Variants in RHOQ observed in about 807,000 individuals in gnomAD.
RHOQ encodes ras homolog family member Q.
In RHOQ, 7 loss-of-function variants were observed where a neutral mutation model predicts 25.8. The ratio of observed to expected loss-of-function variants is 0.27; its 90% CI spans 0.15 to 0.51. The LOEUF is 0.51. RHOQ is among the 20% of genes least tolerant of loss of function. RHOQ has a pLI of 0.97. For synonymous variants in RHOQ, 97 were observed against 98.6 expected (o/e 0.98, Z 0.10); for missense variants, 165 against 260.6 (o/e 0.63, Z 2.53).
intron 2 of RHOQ, among the ~76,000 whole-genome samples, chr2:46,574,217 T>C (rs1669030478): frequency 6.6e-6 from 1 of 152,194 alleles, no homozygotes; most frequent in Non-Finnish European, 1.5e-5. Flanking sequence ...AAATTGGAAA[T>C]CTAAATATGG....
Position 46,576,809 on chromosome 2 carries a change from T to TG in RHOQ, c.462+154dup, listed in dbSNP as rs1425956557. 3 of 519,144 alleles carry TG rather than the reference T, an allele frequency of 5.8e-6. No homozygotes were observed. The Admixed American group carries it at 1.1e-4, about 20-fold the overall frequency. 32.2% of individuals were successfully genotyped at this position (519,144 alleles called of 1,614,324 possible). On this transcript the variant is annotated intron_variant, in intron 4 of 4. Coordinates refer to ENST00000238738, the MANE Select transcript of RHOQ (RefSeq NM_012249.4). This position sits in a 1 kb window ranked among gnomAD's most constrained non-coding sequence, Gnocchi z 5.1. ...TTGCATGAACTCAGTGAGGTAGGTC[T>TG]GTTTCCCCTGTTACACAGAAGAGAC...
chr2:46,579,107 G>C (rs1239686329), intron 4 of RHOQ, among the ~76,000 whole-genome samples: 1 of 152,146 alleles, frequency 6.6e-6, no homozygotes, highest in African/African-American at 2.4e-5. Context: ...TATTTATTAT[G>C]TAGCTAAAGG....
rs1002786840 is a variant in RHOQ, at chr2:46,556,246, C to A, written c.201+12434C>A. Among the ~76,000 whole-genome samples, 1 of 152,170 alleles carries A rather than the reference C, an allele frequency of 6.6e-6. No homozygotes were observed. The highest frequency in any genetic ancestry group is 2.4e-5 in the African/African-American group (1 of 41,434). On this transcript the variant is annotated intron_variant, in intron 2 of 4. Coordinates refer to ENST00000238738, the MANE Select transcript of RHOQ (RefSeq NM_012249.4). This position sits in a 1 kb window ranked among gnomAD's most constrained non-coding sequence, Gnocchi z 4.9. ...TTGTAGAAGGTATCAACATTCCATT[C>A]CTTTTTATGGCTCTGTGATCTTTCT...
rs1668420287 is a variant in RHOQ, at chr2:46,556,685, A to T, written c.201+12873A>T. Among the ~76,000 whole-genome samples the T allele has an allele frequency of 6.6e-6, 1 of 152,070 alleles. No individual in the cohort carries two copies. The highest frequency in any genetic ancestry group is 2.4e-5 in the African/African-American group (1 of 41,392). On this transcript the variant is annotated intron_variant, in intron 2 of 4. Coordinates refer to ENST00000238738, the MANE Select transcript of RHOQ (RefSeq NM_012249.4). The surrounding 1 kb of genome is among the most constrained non-coding windows in gnomAD (Gnocchi z 4.9). ...TCCGATCGGGTTCTTCCCCCGTAGG[A>T]GTTTACAGTCCAGTTGGAAGATGAA...
Position 46,576,725 on chromosome 2 carries a change from T to G in RHOQ, c.462+69T>G, listed in dbSNP as rs1261652432. Reference sequence around the variant, plus strand: ...CTAAGATAACAATAGAAGCTAATTTTATTGTGTATTTACTGTGTGCCAGGT... The same window carrying G: ...CTAAGATAACAATAGAAGCTAATTTGATTGTGTATTTACTGTGTGCCAGGT... On this transcript the variant is annotated intron_variant, in intron 4 of 4. Transcript: ENST00000238738. This position sits in a 1 kb window ranked among gnomAD's most constrained non-coding sequence, Gnocchi z 5.1. 1.3e-5 allele frequency: 14 copies of G among 1,089,120 alleles called. No individual in the cohort carries two copies. In the Admixed American group the frequency reaches 2.4e-4, roughly 19 times the overall value. 67.5% of individuals were successfully genotyped at this position (1,089,120 alleles called of 1,614,324 possible).
intron 2 of RHOQ, among the ~76,000 whole-genome samples, chr2:46,575,106 T>C (rs925067133): frequency 6.6e-6 from 1 of 152,170 alleles, no homozygotes; most frequent in Admixed American, 6.5e-5. Context: ...GAGACTAAAA[T>C]AACCATCAGG....
intron 2 of RHOQ, among the ~76,000 whole-genome samples, chr2:46,550,070 T>A (rs879388406): frequency 1.3e-5 from 2 of 150,800 alleles, no homozygotes; most frequent in African/African-American, 2.4e-5. Flanking sequence ...TCTACTAAAT[T>A]TTTTTTTTTA....
At chr2:46,572,885 C>CA (rs1668981818) in intron 2 of RHOQ, 1 of 363,472 alleles carries the variant, frequency 2.8e-6, no homozygotes, top group Non-Finnish European at 5.4e-6. Context: ...TATTCATTCC[C>CA]AAATCCCACA....
Position 46,581,914 on chromosome 2 carries a change from C to T in RHOQ, c.*831C>T, listed in dbSNP as rs1218127078. The stretch of plus-strand genomic sequence containing the variant: ...GATAGACTCAATTTAGCTCTCTGAA[C>T]TAGTTGGTAATTTTTTTTTTTTAAT... On this transcript the variant is annotated 3_prime_UTR_variant, in exon 5 of 5. Coordinates refer to ENST00000238738, the MANE Select transcript of RHOQ (RefSeq NM_012249.4). 2.4e-5 allele frequency: 5 copies of T among 211,308 alleles called. No individual in the cohort carries two copies. Among genetic ancestry groups the T allele is most frequent in the Non-Finnish European group, 4.8e-5 (5 of 104,374 alleles). 13.1% of individuals were successfully genotyped at this position (211,308 alleles called of 1,614,324 possible). A position where few individuals can be genotyped will look rare whatever the true frequency, so the allele number is the denominator to read the frequency against.
Position 46,543,472 on chromosome 2 carries a change from C to G in RHOQ, c.143-282C>G, listed in dbSNP as rs899461528. 8 of 599,308 alleles carry G rather than the reference C, an allele frequency of 1.3e-5. No individual in the cohort carries two copies. In the African/African-American group the frequency reaches 1.5e-4, roughly 11 times the overall value. 37.1% of individuals were successfully genotyped at this position (599,308 alleles called of 1,614,324 possible). A position where few individuals can be genotyped will look rare whatever the true frequency, so the allele number is the denominator to read the frequency against. On this transcript the variant is annotated intron_variant, in intron 1 of 4. Coordinates refer to ENST00000238738, the MANE Select transcript of RHOQ (RefSeq NM_012249.4). ...TCCTTGACCTTCCCACATCCCCTTT[C>G]CTACTGCCCCAAGGCCCCGGGGGAA...
At chr2:46,560,663 C>A in intron 2 of RHOQ, 1 of 455,834 alleles carries the variant, frequency 2.2e-6, no homozygotes, top group South Asian at 1.5e-5. Context: ...CTAGCTCCAG[C>A]ATCCGCTGTC....
intron 2 of RHOQ, among the ~76,000 whole-genome samples, chr2:46,558,968 G>A (rs1228606532): frequency 1.3e-5 from 2 of 151,856 alleles, no homozygotes; most frequent in East Asian, 3.9e-4. Flanking sequence ...GTTTTGTTTT[G>A]TTTGAGACAG....
chr2:46,550,663 G>T (rs1249420738), intron 2 of RHOQ, among the ~76,000 whole-genome samples: 2 of 152,242 alleles, frequency 1.3e-5, no homozygotes, highest in Non-Finnish European at 2.9e-5. Flanking sequence ...CGGCCAGCCG[G>T]CTCACTTCTG....
chr2:46,546,474 GTGT>G (rs1668056060), intron 2 of RHOQ, among the ~76,000 whole-genome samples: 1 of 16,952 alleles, frequency 5.9e-5, no homozygotes, highest in African/African-American at 2.3e-4. Flanking sequence ...ATATATATAT[GTGT>G]ATATATATAT....
In RHOQ at chr2:46,578,543, G is replaced by A. The variant is rs1669218044; in HGVS notation, c.462+1887G>A. On this transcript the variant is annotated intron_variant, in intron 4 of 4. Coordinates refer to ENST00000238738, the MANE Select transcript of RHOQ (RefSeq NM_012249.4). ...GCCCAGGAATTCGAGACCAGCCTGG[G>A]CAACATGGTGAAACCCCATCTCTAC... Among the ~76,000 whole-genome samples, 5 of 120,060 alleles carry A rather than the reference G, an allele frequency of 4.2e-5. No homozygotes were observed. The South Asian group carries it at 1.4e-3, about 33-fold the overall frequency. 78.8% of individuals were successfully genotyped at this position (120,060 alleles called of 152,430 possible). A position where few individuals can be genotyped will look rare whatever the true frequency, so the allele number is the denominator to read the frequency against.
intron 2 of RHOQ, among the ~76,000 whole-genome samples, chr2:46,547,358 G>A (rs1668104396): frequency 6.6e-6 from 1 of 152,266 alleles, no homozygotes; most frequent in Admixed American, 6.5e-5. Context: ...GCATCTACCA[G>A]TCAAAGGGTG....
chr2:46,571,711 T>G (rs1275824302), intron 2 of RHOQ, among the ~76,000 whole-genome samples: 2 of 152,260 alleles, frequency 1.3e-5, no homozygotes, highest in Non-Finnish European at 2.9e-5. Flanking sequence ...CAGAGGGCTA[T>G]AGTCTCAATA....
In RHOQ at chr2:46,543,163, G is replaced by T; in HGVS notation, c.117G>T (p.Val39=). ...YANDAFPEEY[V]PTVFDHYAVS... ...ACGACGCCTTCCCGGAGGAGTACGTGCCCACCGTCTTCGACCACTACGCAG... is the reference window on the plus strand; with the variant it reads ...ACGACGCCTTCCCGGAGGAGTACGTTCCCACCGTCTTCGACCACTACGCAG... The change falls in exon 1 of 5, where the codon GTG becomes GTT. Residue 39 remains valine, a synonymous_variant. Coordinates refer to ENST00000238738, the MANE Select transcript of RHOQ (RefSeq NM_012249.4). The T allele has an allele frequency of 1.2e-6, 2 of 1,612,214 alleles. No homozygotes were observed. Among genetic ancestry groups the T allele is most frequent in the Non-Finnish European group, 1.7e-6 (2 of 1,179,406 alleles).
At chr2:46,578,650 G>C (rs1426910958) in intron 4 of RHOQ, among the ~76,000 whole-genome samples, 2 of 150,112 alleles carry the variant, frequency 1.3e-5, no homozygotes, top group African/African-American at 4.9e-5. Context: ...CAGCTACTTG[G>C]GGGGCTGAGG....
Sources: allele counts gnomAD v4.1 joint callset (sites outside exome capture counted in the v4.1 genomes callset), GRCh38; gene constraint gnomAD v4.1.1; non-coding constraint Gnocchi (gnomAD v3.1); transcripts MANE v1.5; gene names NCBI Gene and HGNC (gene_info 2026-07-23, HGNC 2026-07-21).